Variants in DNM3 observed in about 807,000 individuals in gnomAD.
DNM3 encodes the protein dynamin 3.
A neutral mutation model predicts 101.6 loss-of-function variants in DNM3; 47 were observed. That is an observed-to-expected ratio of 0.46 (90% CI 0.37 to 0.59). The LOEUF (loss-of-function observed/expected upper bound fraction) is 0.59, where lower values mean the gene tolerates loss of function less well. Among genes scored for constraint, DNM3 ranks in the 20% least tolerant of loss-of-function variants. The probability of loss-of-function intolerance (pLI) is 0.00; values close to 1 mark genes in which losing one functional copy is unlikely to be tolerated. For missense variants in DNM3, 849 were observed against 1,085.7 expected (o/e 0.78, Z 3.06); for synonymous variants, 385 against 387.9 (o/e 0.99, Z 0.09).
chr1:171,875,586 T>G (rs1403404182), intron 1 of DNM3, among the ~76,000 whole-genome samples: 1 of 152,154 alleles, frequency 6.6e-6, no homozygotes, highest in Non-Finnish European at 1.5e-5. Flanking sequence ...CCTGAATACC[T>G]GGGTTCAAAT....
intron 14 of DNM3, among the ~76,000 whole-genome samples, chr1:172,211,959 T>A (rs1263297981): frequency 1.3e-5 from 2 of 152,130 alleles, no homozygotes; most frequent in African/African-American, 4.8e-5. Context: ...TTTGTTGTAA[T>A]GCTTTTACAT....
At chr1:172,355,845 T>G (rs2148995570) in intron 17 of DNM3, among the ~76,000 whole-genome samples, 1 of 152,182 alleles carries the variant, frequency 6.6e-6, no homozygotes, top group African/African-American at 2.4e-5. Flanking sequence ...GACTAAAATG[T>G]TTCCAGAACT....
intron 10 of DNM3, among the ~76,000 whole-genome samples, chr1:172,059,004 A>G (rs1325238190): frequency 6.6e-6 from 1 of 152,234 alleles, no homozygotes; most frequent in African/African-American, 2.4e-5. Flanking sequence ...AAAAAATGAT[A>G]AAGGGGATAT....
At chr1:171,859,285 C>T (rs1223248189) in intron 1 of DNM3, among the ~76,000 whole-genome samples, 1 of 152,120 alleles carries the variant, frequency 6.6e-6, no homozygotes, top group African/African-American at 2.4e-5. Flanking sequence ...ACCCCAACTG[C>T]CTCCCACTTC....
chr1:171,864,635 T>A (rs962013545), intron 1 of DNM3: 4 of 152,184 alleles, frequency 2.6e-5, no homozygotes, highest in African/African-American at 9.7e-5. Context: ...AAAGAGATCA[T>A]AGTTTATAAA....
intron 14 of DNM3, among the ~76,000 whole-genome samples, chr1:172,180,110 G>A (rs186339849): frequency 3.3e-5 from 5 of 152,154 alleles, no homozygotes; most frequent in African/African-American, 1.2e-4. Flanking sequence ...ATGCATGGCA[G>A]TTTGCCCTGT....
chr1:171,868,490 G>A (rs1321714438), intron 1 of DNM3, among the ~76,000 whole-genome samples: 3 of 152,074 alleles, frequency 2.0e-5, no homozygotes, highest in Admixed American at 1.3e-4. Context: ...GGAAATTTTC[G>A]AGCAAGAAAT....
rs551423494 is a variant in DNM3 at position 172,047,114 on chromosome 1, AT to A, written c.1197-1489del. On this transcript the variant is annotated intron_variant, in intron 9 of 20. Transcript: ENST00000627582. The stretch of plus-strand genomic sequence containing the variant: ...CTTTAAATATATATTTGGTTTGACA[AT>A]TTTTTTTTCCCATTTGATTCCATTG... Among the ~76,000 whole-genome samples, 127 of 151,578 alleles carry A rather than the reference AT, an allele frequency of 8.4e-4. 1 individual carries two copies. The South Asian group carries it at 0.015, about 18-fold the overall frequency.
intron 14 of DNM3, among the ~76,000 whole-genome samples, chr1:172,252,668 T>G (rs2062222488): frequency 6.6e-6 from 1 of 152,092 alleles, no homozygotes; most frequent in Non-Finnish European, 1.5e-5. Flanking sequence ...AGGTATTTAC[T>G]AGGTTTCTTA....
intron 15 of DNM3, among the ~76,000 whole-genome samples, chr1:172,286,002 T>C (rs1315113073): frequency 2.0e-5 from 3 of 152,056 alleles, no homozygotes; most frequent in Admixed American, 6.6e-5. Context: ...TGGGATAAGA[T>C]GCTGCTTGCC....
At chr1:172,008,836 T>C (rs1486403771) in intron 4 of DNM3, among the ~76,000 whole-genome samples, 5 of 138,490 alleles carry the variant, frequency 3.6e-5, no homozygotes, top group East Asian at 2.0e-4. Flanking sequence ...TTATATAATA[T>C]ATATTAATAT....
intron 14 of DNM3, among the ~76,000 whole-genome samples, chr1:172,247,085 A>G (rs1337043468): frequency 6.6e-6 from 1 of 152,030 alleles, no homozygotes; most frequent in Non-Finnish European, 1.5e-5. Context: ...GGACATATCT[A>G]TGCACTACTG....
chr1:172,080,779 G>T (rs936164609), intron 11 of DNM3, among the ~76,000 whole-genome samples: 2 of 152,284 alleles, frequency 1.3e-5, no homozygotes, highest in Non-Finnish European at 2.9e-5. Flanking sequence ...GAATCTCCTG[G>T]TCTGCAGGTT....
intron 14 of DNM3, among the ~76,000 whole-genome samples, chr1:172,219,399 A>AAAAG (rs2060825440): frequency 2.6e-5 from 4 of 151,288 alleles, no homozygotes; most frequent in African/African-American, 9.7e-5. Flanking sequence ...AAAAAAAAAA[A>AAAAG]AAAGAAGACG....
At chr1:172,400,308 AC>A (rs1392345392) in intron 20 of DNM3, among the ~76,000 whole-genome samples, 1 of 151,904 alleles carries the variant, frequency 6.6e-6, no homozygotes, top group Non-Finnish European at 1.5e-5. Context: ...AAAAAGGTTT[AC>A]CCCATTCACC....
At chr1:172,295,209 A>C (rs1329671780) in intron 15 of DNM3, among the ~76,000 whole-genome samples, 1 of 152,210 alleles carries the variant, frequency 6.6e-6, no homozygotes. Flanking sequence ...GGGCACTGTG[A>C]CAACCAGAAA....
intron 4 of DNM3, among the ~76,000 whole-genome samples, chr1:171,995,096 GTTTTTTTT>G (rs35925537): frequency 2.0e-5 from 1 of 49,636 alleles, no homozygotes; most frequent in Non-Finnish European, 3.7e-5. Context: ...TGAAATCCAG[GTTTTTTTT>G]TTTTTTTTTT....
At chr1:172,150,605 A>T (rs1232784306) in intron 14 of DNM3, among the ~76,000 whole-genome samples, 1 of 152,184 alleles carries the variant, frequency 6.6e-6, no homozygotes, top group African/African-American at 2.4e-5. Flanking sequence ...GAAAGGTAGG[A>T]TCTCTCCATG....
chr1:172,407,699 C>T, intron 20 of DNM3, 73 bp from the exon 21 acceptor site: 1 of 1,509,314 alleles, frequency 6.6e-7, no homozygotes, highest in Non-Finnish European at 9.2e-7. Flanking sequence ...ATGGCTCTTT[C>T]TCAGTGTCCT....
Sources: allele counts gnomAD v4.1 joint callset (sites outside exome capture counted in the v4.1 genomes callset), GRCh38; gene constraint gnomAD v4.1.1; transcripts MANE v1.5; gene names NCBI Gene and HGNC (gene_info 2026-07-23, HGNC 2026-07-21).